EYA4: variants seen among roughly 807,000 people sequenced by gnomAD.
EYA4 encodes EYA transcriptional coactivator and phosphatase 4, also known as protein phosphatase EYA4.
In EYA4, 31 loss-of-function variants were observed where a neutral mutation model predicts 87.9. That is an observed-to-expected ratio of 0.35 (90% CI 0.27 to 0.48). EYA4 has a LOEUF of 0.48. Ranked by LOEUF, EYA4 falls within the 20% of genes least tolerant of loss-of-function variation. EYA4 has a pLI of 0.99. For missense variants in EYA4, 678 were observed against 761.4 expected (o/e 0.89, Z 1.29); for synonymous variants, 263 against 270.6 (o/e 0.97, Z 0.28).
intron 1 of EYA4, among the ~76,000 whole-genome samples, chr6:133,253,873 T>C (rs1442510278): frequency 2.6e-5 from 4 of 152,152 alleles, no homozygotes; most frequent in African/African-American, 9.7e-5. Flanking sequence ...AGAGATCATA[T>C]CTTTTTCCCT....
intron 2 of EYA4, among the ~76,000 whole-genome samples, chr6:133,364,160 A>T (rs7765967): frequency 0.043 from 6,479 of 152,212 alleles, 230 homozygotes; most frequent in East Asian, 0.2. Context: ...CCCTTAATGA[A>T]TCTTGCTGTG....
At chr6:133,492,587 T>A (rs1264686673) in intron 13 of EYA4, among the ~76,000 whole-genome samples, 1 of 152,216 alleles carries the variant, frequency 6.6e-6, no homozygotes, top group Non-Finnish European at 1.5e-5. Flanking sequence ...TTCAGCATAG[T>A]ACTGGAAGTC....
chr6:133,331,037 T>C (rs1291807934), intron 2 of EYA4, among the ~76,000 whole-genome samples: 6 of 150,728 alleles, frequency 4.0e-5, no homozygotes, highest in Non-Finnish European at 4.4e-5. Context: ...GTTTTTTTTT[T>C]TTTTTTTTTT....
At chr6:133,340,889 G>T (rs1782732474) in intron 2 of EYA4, among the ~76,000 whole-genome samples, 1 of 152,136 alleles carries the variant, frequency 6.6e-6, no homozygotes, top group Non-Finnish European at 1.5e-5. Context: ...TGCTCAGCCT[G>T]TGCCACTGAG....
chr6:133,430,678 G>A (rs1791104994), intron 3 of EYA4, among the ~76,000 whole-genome samples: 1 of 152,132 alleles, frequency 6.6e-6, no homozygotes, highest in African/African-American at 2.4e-5. Context: ...ATATTGAGTA[G>A]TGCAGCAAAA....
intron 1 of EYA4, among the ~76,000 whole-genome samples, chr6:133,254,890 C>G (rs368735861): frequency 1.3e-5 from 2 of 152,200 alleles, no homozygotes; most frequent in African/African-American, 2.4e-5. Flanking sequence ...GCTCCCAACT[C>G]TACATCTTAC....
intron 13 of EYA4, among the ~76,000 whole-genome samples, chr6:133,503,394 T>TAA (rs1798307228): frequency 6.6e-6 from 1 of 152,206 alleles, no homozygotes; most frequent in Admixed American, 6.5e-5. Flanking sequence ...AATCATAGGA[T>TAA]AAGAGCCTAA....
intron 3 of EYA4, among the ~76,000 whole-genome samples, chr6:133,386,821 C>A (rs981627997): frequency 2.0e-5 from 3 of 152,066 alleles, no homozygotes; most frequent in African/African-American, 7.2e-5. Flanking sequence ...ATAGGAAGAA[C>A]TTGTGGTATG....
chr6:133,388,905 G>A (rs1787007801), intron 3 of EYA4, among the ~76,000 whole-genome samples: 1 of 151,936 alleles, frequency 6.6e-6, no homozygotes, highest in South Asian at 2.1e-4. Context: ...TCTTGATGTG[G>A]CCCACAGTGC....
At chr6:133,519,608 C>T (rs1177335280) in intron 17 of EYA4, among the ~76,000 whole-genome samples, 2 of 151,178 alleles carry the variant, frequency 1.3e-5, no homozygotes, top group Non-Finnish European at 2.9e-5. Flanking sequence ...CTATTCCAAT[C>T]AATAGAAAAA....
intron 2 of EYA4, among the ~76,000 whole-genome samples, chr6:133,355,679 A>G (rs1783963668): frequency 6.6e-6 from 1 of 152,204 alleles, no homozygotes. Context: ...AGATCTCTAA[A>G]GAGATTTGTA....
chr6:133,297,803 C>T (rs767927255), intron 2 of EYA4, among the ~76,000 whole-genome samples: 10 of 152,296 alleles, frequency 6.6e-5, no homozygotes, highest in African/African-American at 1.4e-4. Context: ...TGACATGCAA[C>T]GTTGTAAACA....
chr6:133,266,674 G>T (rs1424215941), intron 1 of EYA4, among the ~76,000 whole-genome samples: 1 of 152,010 alleles, frequency 6.6e-6, no homozygotes, highest in Non-Finnish European at 1.5e-5. Flanking sequence ...TTCCCATTCA[G>T]TAAATAATAC....
chr6:133,394,282 G>GTATTTTTTT (rs1562368948), intron 3 of EYA4, among the ~76,000 whole-genome samples: 15 of 107,812 alleles, frequency 1.4e-4, no homozygotes, highest in East Asian at 5.4e-4. Context: ...ATATAAGCTT[G>GTATTTTTTT]TGTTTTTTTT....
At chr6:133,522,956 C>A in intron 17 of EYA4, 100 bp from the exon 18 acceptor site, 2 of 981,560 alleles carry the variant, frequency 2.0e-6, no homozygotes, top group South Asian at 1.3e-5. Context: ...TTGAAAGGGA[C>A]CATTAATTAA....
At chr6:133,254,805 A>T (rs1031803598) in intron 1 of EYA4, among the ~76,000 whole-genome samples, 1 of 152,206 alleles carries the variant, frequency 6.6e-6, no homozygotes, top group Non-Finnish European at 1.5e-5. Context: ...ATGTTGTATT[A>T]TGTGACCTTA....
At chr6:133,480,234 G>A (rs1297897085) in intron 11 of EYA4, among the ~76,000 whole-genome samples, 4 of 152,190 alleles carry the variant, frequency 2.6e-5, no homozygotes, top group African/African-American at 9.6e-5. Flanking sequence ...AGAGTGCAAG[G>A]TATCAGCTGT....
intron 2 of EYA4, among the ~76,000 whole-genome samples, chr6:133,276,663 C>G (rs1777189073): frequency 6.6e-6 from 1 of 152,094 alleles, no homozygotes; most frequent in Admixed American, 6.6e-5. Flanking sequence ...CCTACCCTCT[C>G]AGCTTGAACC....
At chr6:133,356,057 AAGAGAGAGAG>A (rs35204258) in intron 2 of EYA4, among the ~76,000 whole-genome samples, 9 of 135,774 alleles carry the variant, frequency 6.6e-5, no homozygotes, top group African/African-American at 2.6e-4. Flanking sequence ...GAAAGAGAGA[AAGAGAGAGAG>A]AGAGAGAGAG....
Sources: gnomAD v4.1 joint callset for allele counts (sites outside exome capture counted in the v4.1 genomes callset) on GRCh38, gnomAD v4.1.1 for gene constraint, MANE v1.5 for transcripts, NCBI Gene and HGNC (gene_info 2026-07-23, HGNC 2026-07-21) for gene names.